The following CTNND2 variants were observed in gnomAD, a reference collection of about 807,000 sequenced individuals.
CTNND2 encodes catenin delta-2.
A neutral mutation model predicts 144.4 loss-of-function variants in CTNND2; 22 were observed. The observed-to-expected ratio is 0.15, with a 90% CI of 0.11 to 0.22. CTNND2 has a LOEUF of 0.22. Among genes scored for constraint, CTNND2 ranks in the 10% least tolerant of loss-of-function variants. The pLI, the probability that CTNND2 is intolerant of heterozygous loss-of-function variation, is 1.00. For missense variants in CTNND2, 1,353 were observed against 1,618.8 expected (o/e 0.84, Z 2.82); for synonymous variants, 751 against 695.6 (o/e 1.08, Z -1.25).
intron 1 of CTNND2, among the ~76,000 whole-genome samples, chr5:11,839,304 G>A (rs111280508): frequency 6.6e-6 from 1 of 152,034 alleles, no homozygotes; most frequent in Non-Finnish European, 1.5e-5. Context: ...ATGGGGCATG[G>A]ACCACATCTC....
At chr5:11,203,305 T>C (rs1401219771) in intron 10 of CTNND2, among the ~76,000 whole-genome samples, 2 of 152,222 alleles carry the variant, frequency 1.3e-5, no homozygotes, top group Non-Finnish European at 2.9e-5. Flanking sequence ...CTAGTTCCAA[T>C]TTATCCCCCT....
At chr5:11,263,009 T>G (rs574166779) in intron 9 of CTNND2, among the ~76,000 whole-genome samples, 2 of 152,092 alleles carry the variant, frequency 1.3e-5, no homozygotes, top group Admixed American at 1.3e-4. Context: ...CACAAAAGCA[T>G]AACATTTCAG....
At chr5:11,195,439 G>T (rs1276968604) in intron 11 of CTNND2, among the ~76,000 whole-genome samples, 2 of 152,198 alleles carry the variant, frequency 1.3e-5, no homozygotes, top group African/African-American at 4.8e-5. Context: ...TTGCTGTGCA[G>T]GTCTGGAGAG....
chr5:11,725,584 T>G (rs975480484), intron 2 of CTNND2, among the ~76,000 whole-genome samples: 2 of 152,056 alleles, frequency 1.3e-5, no homozygotes, highest in South Asian at 2.1e-4. Context: ...ATCTAAATGA[T>G]GAGGTTGTGT....
intron 1 of CTNND2, among the ~76,000 whole-genome samples, chr5:11,754,280 ATCTT>A (rs1206008909): frequency 1.3e-5 from 2 of 151,384 alleles, no homozygotes; most frequent in Admixed American, 6.6e-5. Context: ...TGAATTTGAG[ATCTT>A]TCTAACTTTT....
At chr5:11,532,339 TCCC>T (rs1461532121) in intron 3 of CTNND2, among the ~76,000 whole-genome samples, 1 of 76,694 alleles carries the variant, frequency 1.3e-5, no homozygotes, top group African/African-American at 4.2e-5. Flanking sequence ...CTCAAGAACA[TCCC>T]CAATAAACTA....
At chr5:11,334,338 A>G (rs1169391562) in intron 9 of CTNND2, among the ~76,000 whole-genome samples, 1 of 152,214 alleles carries the variant, frequency 6.6e-6, no homozygotes, top group Non-Finnish European at 1.5e-5. Flanking sequence ...ATTCTATGGC[A>G]CGTGAGTATC....
At chr5:11,479,268 C>T (rs1409927503) in intron 3 of CTNND2, among the ~76,000 whole-genome samples, 2 of 152,082 alleles carry the variant, frequency 1.3e-5, no homozygotes, top group Admixed American at 6.6e-5. Context: ...TCTATTCTTG[C>T]GTTAGTTTGT....
chr5:11,115,072 A>G (rs953598414), intron 13 of CTNND2, among the ~76,000 whole-genome samples: 1 of 152,212 alleles, frequency 6.6e-6, no homozygotes, highest in Non-Finnish European at 1.5e-5. Flanking sequence ...GTCCACTGGC[A>G]CTGTCTTGAT....
chr5:11,086,604 A>G (rs1750172842), intron 15 of CTNND2, among the ~76,000 whole-genome samples: 1 of 152,222 alleles, frequency 6.6e-6, no homozygotes. Context: ...AAGTAAATTA[A>G]CAAAGATACT....
chr5:11,113,752 TC>T (rs1753261929), intron 13 of CTNND2, among the ~76,000 whole-genome samples: 1 of 152,300 alleles, frequency 6.6e-6, no homozygotes, highest in East Asian at 1.9e-4. Context: ...TGTGAGTACC[TC>T]CCACCAGACT....
At chr5:11,246,963 G>A (rs1240165778) in intron 9 of CTNND2, among the ~76,000 whole-genome samples, 4 of 152,164 alleles carry the variant, frequency 2.6e-5, no homozygotes, top group Non-Finnish European at 4.4e-5. Flanking sequence ...CGACATCGCA[G>A]GCCTCTGGCT....
intron 9 of CTNND2, among the ~76,000 whole-genome samples, chr5:11,282,589 G>A (rs1183662348): frequency 6.6e-6 from 1 of 152,170 alleles, no homozygotes. Flanking sequence ...CACTGTTAGG[G>A]AACGACTGTT....
rs367763370 is a variant in CTNND2, at chr5:11,090,497, C to T, written c.2638-7651G>A. On this transcript the variant is annotated intron_variant, in intron 15 of 21. Transcript: ENST00000304623. ...GAGCATTACCGCCTGAGTTCTGCCT[C>T]CTGTCAGATCGGCAGCAGCATTTGA... Among the ~76,000 whole-genome samples, 82 of 152,308 alleles carry T rather than the reference C, an allele frequency of 5.4e-4. 1 individual carries two copies. In the East Asian group the frequency reaches 0.01, roughly 19 times the overall value.
intron 2 of CTNND2, among the ~76,000 whole-genome samples, chr5:11,606,219 C>G (rs780631869): frequency 6.6e-6 from 1 of 152,132 alleles, no homozygotes; most frequent in Non-Finnish European, 1.5e-5. Context: ...TGAATTTGGC[C>G]AAGAACCTAG....
intron 3 of CTNND2, among the ~76,000 whole-genome samples, chr5:11,479,707 T>C (rs1430090658): frequency 1.3e-5 from 2 of 152,172 alleles, no homozygotes; most frequent in Non-Finnish European, 2.9e-5. Flanking sequence ...TGGTGTGAGA[T>C]GATATCTCAC....
chr5:11,597,847 C>A (rs139799272), intron 2 of CTNND2, among the ~76,000 whole-genome samples: 28 of 152,178 alleles, frequency 1.8e-4, no homozygotes, highest in Non-Finnish European at 3.8e-4. Context: ...TGGGCATGAG[C>A]CACGAAGCCT....
intron 2 of CTNND2, among the ~76,000 whole-genome samples, chr5:11,576,041 C>G (rs1479955108): frequency 6.6e-6 from 1 of 152,096 alleles, no homozygotes; most frequent in African/African-American, 2.4e-5. Flanking sequence ...CATCATTTGC[C>G]CAAGTTGCCT....
intron 1 of CTNND2, among the ~76,000 whole-genome samples, chr5:11,783,719 T>G (rs1345385008): frequency 6.6e-6 from 1 of 152,146 alleles, no homozygotes; most frequent in African/African-American, 2.4e-5. Flanking sequence ...GAAACTTCTT[T>G]TGACTACTTT....
Sources: gnomAD v4.1 joint callset for allele counts (sites outside exome capture counted in the v4.1 genomes callset) on GRCh38, gnomAD v4.1.1 for gene constraint, MANE v1.5 for transcripts, NCBI Gene and HGNC (gene_info 2026-07-23, HGNC 2026-07-21) for gene names.